LIN52: variants seen among roughly 807,000 people sequenced by gnomAD.
LIN52 encodes protein lin-52 homolog.
A neutral mutation model predicts 18.5 loss-of-function variants in LIN52; 4 were observed. That is an observed-to-expected ratio of 0.22 (90% CI 0.11 to 0.49). The LOEUF is 0.49. Among genes scored for constraint, LIN52 ranks in the 20% least tolerant of loss-of-function variants. LIN52 has a pLI of 0.97. For missense variants in LIN52, 102 were observed against 139.5 expected (o/e 0.73, Z 1.35); for synonymous variants, 34 against 45.5 (o/e 0.75, Z 1.02).
intron 5 of LIN52, among the ~76,000 whole-genome samples, chr14:74,164,028 C>CTGGA: frequency 6.6e-6 from 1 of 151,338 alleles, no homozygotes; most frequent in Admixed American, 6.6e-5. Flanking sequence ...GTCGACCAGG[C>CTGGA]TGGAGTGCAG....
chr14:74,161,555 A>T (rs2061225036), intron 5 of LIN52, among the ~76,000 whole-genome samples: 1 of 152,244 alleles, frequency 6.6e-6, no homozygotes, highest in Non-Finnish European at 1.5e-5. Flanking sequence ...AAAGGAAAAG[A>T]AGAGTCAACG....
At chr14:74,098,515 C>CA (rs949641485) in intron 4 of LIN52, among the ~76,000 whole-genome samples, 160 of 121,098 alleles carry the variant, frequency 1.3e-3, no homozygotes, top group South Asian at 3.0e-3. Context: ...GACTCTATCT[C>CA]AAAAAAAAAA....
Position 74,200,182 on chromosome 14 carries a change from C to T in LIN52, c.*1205C>T, listed in dbSNP as rs7155093. 4.6e-3 allele frequency: 616 copies of T among 134,194 alleles called. 4 individuals carry two copies. Among genetic ancestry groups the T allele is most frequent in the African/African-American group, 0.015 (571 of 38,292 alleles). 8.3% of individuals were successfully genotyped at this position (134,194 alleles called of 1,614,324 possible). A position where few individuals can be genotyped will look rare whatever the true frequency, so the allele number is the denominator to read the frequency against. ...CTGTAATCCCAGCACTTTGGGAGGC[C>T]GAGGCAGGTGGATCATAGGTCAAAA... On this transcript the variant is annotated 3_prime_UTR_variant, in exon 6 of 6. Coordinates refer to ENST00000555028, the MANE Select transcript of LIN52 (RefSeq NM_001024674.3).
chr14:74,098,051 C>A (rs2060827324), intron 4 of LIN52, among the ~76,000 whole-genome samples, 191 bp downstream of exon 4: 1 of 152,084 alleles, frequency 6.6e-6, no homozygotes, highest in Non-Finnish European at 1.5e-5. Context: ...CCTGCCAATT[C>A]AAGACTCAGT....
intron 5 of LIN52, among the ~76,000 whole-genome samples, chr14:74,130,725 GAT>G (rs1227739284): frequency 2.0e-5 from 3 of 151,320 alleles, no homozygotes; most frequent in African/African-American, 7.3e-5. Context: ...AAGTAGCTGG[GAT>G]TACAGGCATG....
chr14:74,091,387 T>C, intron 2 of LIN52, 81 bp downstream of exon 2: 1 of 1,021,886 alleles, frequency 9.8e-7, no homozygotes, highest in South Asian at 1.6e-5. Context: ...AAGAGTTATT[T>C]ATTTTGTAAA....
chr14:74,170,093 G>A (rs1470815509), intron 5 of LIN52, among the ~76,000 whole-genome samples: 1 of 152,208 alleles, frequency 6.6e-6, no homozygotes, highest in Non-Finnish European at 1.5e-5. Context: ...GAACAGAAGT[G>A]TGAAGTCACA....
At chr14:74,095,891 T>G in intron 2 of LIN52, 57 bp from the exon 3 acceptor site, 1 of 1,139,320 alleles carries the variant, frequency 8.8e-7, no homozygotes, top group South Asian at 1.3e-5. Context: ...TATTTGGATC[T>G]TCTATGCCTG....
At chr14:74,182,114 A>G (rs1452027951) in intron 5 of LIN52, among the ~76,000 whole-genome samples, 3 of 152,106 alleles carry the variant, frequency 2.0e-5, no homozygotes, top group Admixed American at 6.6e-5. Flanking sequence ...AGGCTCAAGC[A>G]GTCCTCCCAC....
At chr14:74,087,427 A>C (rs1440559523) in intron 1 of LIN52, among the ~76,000 whole-genome samples, 3 of 148,346 alleles carry the variant, frequency 2.0e-5, no homozygotes, top group Non-Finnish European at 4.4e-5. Context: ...AAAAAAAAAA[A>C]AAAAAAAAAT....
chr14:74,091,136 C>A, intron 1 of LIN52, 96 bp from the exon 2 acceptor site: 1 of 780,936 alleles, frequency 1.3e-6, no homozygotes. Flanking sequence ...TCTAGACTTC[C>A]AGGTGAGTGT....
chr14:74,107,139 G>A (rs1406694943), intron 5 of LIN52, among the ~76,000 whole-genome samples: 3 of 152,156 alleles, frequency 2.0e-5, no homozygotes, highest in East Asian at 3.8e-4. Context: ...GTGATGAGAC[G>A]TAATATTTGA....
rs78754675 is a variant in LIN52 at position 74,182,477 on chromosome 14, T to C, written c.284-16445T>C. Among the ~76,000 whole-genome samples, 19 of 152,246 alleles carry C rather than the reference T, an allele frequency of 1.2e-4. No individual in the cohort carries two copies. The East Asian group carries it at 3.5e-3, about 28-fold the overall frequency. On this transcript the variant is annotated intron_variant, in intron 5 of 5. Coordinates refer to ENST00000555028, the MANE Select transcript of LIN52 (RefSeq NM_001024674.3). ...CAGTTAAATTATCAGCTAAGTAATG[T>C]AGATGCTGATTTGTCCAAATCAGCC...
chr14:74,175,750 A>ACACACC (rs1183981973), intron 5 of LIN52, among the ~76,000 whole-genome samples: 8 of 84,828 alleles, frequency 9.4e-5, no homozygotes, highest in Non-Finnish European at 1.3e-4. Context: ...ACACACACAC[A>ACACACC]CCCCCATTAT....
At chr14:74,119,825 A>G (rs1417761214) in intron 5 of LIN52, among the ~76,000 whole-genome samples, 2 of 147,020 alleles carry the variant, frequency 1.4e-5, no homozygotes, top group Non-Finnish European at 1.5e-5. Flanking sequence ...AAACTGGATT[A>G]CTGGATTATT....
At chr14:74,186,662 T>G (rs192794240) in intron 5 of LIN52, among the ~76,000 whole-genome samples, 266 of 151,834 alleles carry the variant, frequency 1.8e-3, no homozygotes, top group African/African-American at 6.2e-3. Context: ...AATTTCAGAT[T>G]TTGTTAAGTG....
chr14:74,154,246 T>G (rs2061188867), intron 5 of LIN52, among the ~76,000 whole-genome samples: 1 of 151,836 alleles, frequency 6.6e-6, no homozygotes, highest in Non-Finnish European at 1.5e-5. Flanking sequence ...CCATGACAGT[T>G]TTAAAGAGTA....
intron 5 of LIN52, among the ~76,000 whole-genome samples, chr14:74,179,844 G>A (rs900433434): frequency 5.9e-5 from 9 of 152,096 alleles, no homozygotes; most frequent in Non-Finnish European, 1.2e-4. Flanking sequence ...AATTAGAGCT[G>A]CAGGGAACTG....
chr14:74,188,154 A>T (rs1181063241), intron 5 of LIN52, among the ~76,000 whole-genome samples: 2 of 152,204 alleles, frequency 1.3e-5, no homozygotes, highest in Non-Finnish European at 2.9e-5. Context: ...TTAAACTAGA[A>T]CTAGCTGCAG....
Sources: allele counts gnomAD v4.1 joint callset (sites outside exome capture counted in the v4.1 genomes callset), GRCh38; gene constraint gnomAD v4.1.1; transcripts MANE v1.5; gene names NCBI Gene and HGNC (gene_info 2026-07-23, HGNC 2026-07-21).